KHDRBS2: variants seen among roughly 807,000 people sequenced by gnomAD.
KHDRBS2 encodes KH domain-containing, RNA-binding, signal transduction-associated protein 2.
A neutral mutation model predicts 44.3 loss-of-function variants in KHDRBS2; 26 were observed. That is an observed-to-expected ratio of 0.59 (90% confidence interval 0.43 to 0.81). The LOEUF is 0.81. Ranked by LOEUF, KHDRBS2 falls within the 40% of genes least tolerant of loss-of-function variation. The pLI, the probability that KHDRBS2 is intolerant of heterozygous loss-of-function variation, is 0.00. For synonymous variants in KHDRBS2, 194 were observed against 151.1 expected, an observed-to-expected ratio of 1.28 and a Z score of -2.08; for missense variants, 476 against 433.1, an observed-to-expected ratio of 1.10 and a Z score of -0.88.
At chr6:62,116,270 G>T (rs1475282219) in intron 2 of KHDRBS2, among the ~76,000 whole-genome samples, 2 of 152,004 alleles carry the variant, frequency 1.3e-5, no homozygotes, top group African/African-American at 4.8e-5. Flanking sequence ...TATAGTCACC[G>T]TGCTGTGGAA....
At chr6:61,955,060 GTATA>G (rs1466895258) in intron 4 of KHDRBS2, among the ~76,000 whole-genome samples, 5 of 142,520 alleles carry the variant, frequency 3.5e-5, no homozygotes, top group African/African-American at 7.7e-5. Context: ...ATATATGTAT[GTATA>G]CACATATACG....
At chr6:61,860,058 T>C (rs1304693680) in intron 6 of KHDRBS2, among the ~76,000 whole-genome samples, 1 of 151,862 alleles carries the variant, frequency 6.6e-6, no homozygotes, top group Non-Finnish European at 1.5e-5. Context: ...GAAAAGGGAA[T>C]TTTTGAAATT....
intron 4 of KHDRBS2, among the ~76,000 whole-genome samples, chr6:61,941,730 TAACCA>T (rs1812166917): frequency 6.6e-6 from 1 of 152,046 alleles, no homozygotes; most frequent in South Asian, 2.1e-4. Flanking sequence ...GTGTCCTACA[TAACCA>T]ACACCGTAGA....
chr6:61,691,463 A>G (rs1767384901), intron 8 of KHDRBS2, among the ~76,000 whole-genome samples: 2 of 152,082 alleles, frequency 1.3e-5, no homozygotes, highest in Admixed American at 6.6e-5. Context: ...CTTCCTTTTA[A>G]TTACAAATAA....
the KHDRBS2 span, among the ~76,000 whole-genome samples, chr6:61,605,518 A>G: frequency 6.6e-6 from 1 of 152,102 alleles, no homozygotes; most frequent in East Asian, 1.9e-4. Context: ...CCTTTAATAC[A>G]TATTTTTCTC....
At chr6:61,877,426 C>T (rs1242688814) in intron 6 of KHDRBS2, among the ~76,000 whole-genome samples, 1 of 150,956 alleles carries the variant, frequency 6.6e-6, no homozygotes, top group African/African-American at 2.5e-5. Flanking sequence ...TCTTAGTAAT[C>T]AGAAAGTTTT....
At chr6:61,617,787 TG>T in the KHDRBS2 span, among the ~76,000 whole-genome samples, 2 of 152,154 alleles carry the variant, frequency 1.3e-5, no homozygotes, top group Non-Finnish European at 2.9e-5. Flanking sequence ...GTGAAGTATT[TG>T]CCTATGTCGA....
intron 3 of KHDRBS2, among the ~76,000 whole-genome samples, chr6:62,033,300 A>G (rs2127293908): frequency 6.6e-6 from 1 of 152,116 alleles, no homozygotes; most frequent in South Asian, 2.1e-4. Context: ...TTTATTCAAA[A>G]GCATTATAAC....
intron 2 of KHDRBS2, among the ~76,000 whole-genome samples, chr6:62,056,099 TC>T (rs1447072469): frequency 1.1e-4 from 16 of 151,962 alleles, no homozygotes; most frequent in African/African-American, 3.9e-4. Flanking sequence ...CTTCATCTCT[TC>T]CCACAGTTAT....
chr6:62,267,148 C>T (rs1267135994), intron 1 of KHDRBS2, among the ~76,000 whole-genome samples: 2 of 151,972 alleles, frequency 1.3e-5, no homozygotes, highest in African/African-American at 4.8e-5. Context: ...CCAATTGAAG[C>T]CATCTTAAAC....
the KHDRBS2 span, among the ~76,000 whole-genome samples, chr6:61,663,721 C>A: frequency 1.8e-3 from 265 of 150,844 alleles, 2 homozygotes; most frequent in African/African-American, 5.7e-3. Context: ...TGAAAACAAA[C>A]AGTTATACTG....
rs1766235094 is a variant in KHDRBS2, at chr6:61,681,027, A to G, written c.986T>C (p.Leu329Ser). 6.2e-7 allele frequency: 1 copy of G among 1,611,978 alleles called. No homozygotes were observed. The highest frequency in any genetic ancestry group is 1.3e-5 in the African/African-American group (1 of 74,870). Residue 329 changes from leucine to serine, a missense_variant, in exon 9 of 9, where the codon TTG (leucine) becomes TCG (serine). Coordinates refer to ENST00000281156, the MANE Select transcript of KHDRBS2 (RefSeq NM_152688.4). Reference protein sequence around the residue: ...PEEWATTRSSLKAPPQRSARG... With the variant: ...PEEWATTRSSSKAPPQRSARG... Reference sequence around the variant, plus strand: ...GGCTGACCTTTGCGGTGGTGCCTTCAAGCTAGAGCGGGTTGTGGCCCATTC... The same window carrying G: ...GGCTGACCTTTGCGGTGGTGCCTTCGAGCTAGAGCGGGTTGTGGCCCATTC...
At position 62,037,982 on chromosome 6, in the gene KHDRBS2, T is replaced by TCAC. The variant is rs1785649504; in HGVS notation, c.336+9895_336+9896insGTG. On this transcript the variant is annotated intron_variant, in intron 3 of 8. Coordinates refer to ENST00000281156, the MANE Select transcript of KHDRBS2 (RefSeq NM_152688.4). ...GTTAGTGATTTCTAATATTTAGATA[T>TCAC]TAAGCAAAAATACATAAATGTGTTT... Among the ~76,000 whole-genome samples the TCAC allele has an allele frequency of 2.6e-5, 4 of 152,208 alleles. No individual in the cohort carries two copies. In the South Asian group the frequency reaches 8.3e-4, roughly 32 times the overall value.
chr6:61,577,188 T>C, the KHDRBS2 span, among the ~76,000 whole-genome samples: 1,567 of 152,248 alleles, frequency 0.01, 9 homozygotes, highest in Middle Eastern at 0.02. Flanking sequence ...CTTTTTGGTT[T>C]GTCTTTCTGA....
chr6:61,544,497 G>C, the KHDRBS2 span, among the ~76,000 whole-genome samples: 803 of 152,090 alleles, frequency 5.3e-3, 6 homozygotes, highest in Non-Finnish European at 8.1e-3. Context: ...AAATAATAAA[G>C]GGCAAAGCAA....
intron 6 of KHDRBS2, among the ~76,000 whole-genome samples, chr6:61,808,909 A>G (rs1357604987): frequency 1.3e-5 from 2 of 152,112 alleles, no homozygotes; most frequent in Non-Finnish European, 2.9e-5. Context: ...AAAGGGAAGA[A>G]AAAAGTAGAA....
intron 4 of KHDRBS2, among the ~76,000 whole-genome samples, chr6:61,953,508 T>A (rs961459620): frequency 1.3e-5 from 2 of 152,072 alleles, no homozygotes; most frequent in Non-Finnish European, 2.9e-5. Flanking sequence ...TATATTTTTT[T>A]AAATTGTGTA....
intron 2 of KHDRBS2, among the ~76,000 whole-genome samples, chr6:62,101,325 T>C (rs556139388): frequency 6.6e-6 from 1 of 151,760 alleles, no homozygotes; most frequent in East Asian, 1.9e-4. Flanking sequence ...CTCAAAGGAG[T>C]TGACTGAGCT....
chr6:61,749,234 C>T (rs992255121), intron 6 of KHDRBS2, among the ~76,000 whole-genome samples: 3 of 151,826 alleles, frequency 2.0e-5, no homozygotes, highest in Admixed American at 6.6e-5. Flanking sequence ...AGGATGATCT[C>T]GATCTCCTGA....
Sources: allele counts gnomAD v4.1 joint callset (sites outside exome capture counted in the v4.1 genomes callset), GRCh38; gene constraint gnomAD v4.1.1; transcripts MANE v1.5; gene names NCBI Gene and HGNC (gene_info 2026-07-23, HGNC 2026-07-21).